JAML: variants seen among roughly 807,000 people sequenced by gnomAD.
JAML encodes junctional adhesion molecule-like.
Under a neutral mutation model 39.3 loss-of-function variants are expected in JAML, and 25 were observed. That is an observed-to-expected ratio of 0.64 (90% CI 0.46 to 0.89). The LOEUF (loss-of-function observed/expected upper bound fraction) is 0.89, where lower values mean the gene tolerates loss of function less well. Ranked by LOEUF, JAML falls within the 40% of genes least tolerant of loss-of-function variation. The pLI is 0.00. For missense variants in JAML, 440 were observed against 486.9 expected, an observed-to-expected ratio of 0.90 and a Z score of 0.91; for synonymous variants, 162 against 179.2, an observed-to-expected ratio of 0.90 and a Z score of 0.77.
intron 2 of JAML, chr11:118,213,076 C>T: frequency 6.5e-7 from 1 of 1,534,472 alleles, no homozygotes; most frequent in South Asian, 1.3e-5. Flanking sequence ...GTAATTAGGC[C>T]ACCACAGAGC....
At chr11:118,213,704 G>C (rs191311141) in intron 2 of JAML, among the ~76,000 whole-genome samples, 1 of 152,172 alleles carries the variant, frequency 6.6e-6, no homozygotes, top group Non-Finnish European at 1.5e-5. Context: ...GGGCAATCTT[G>C]GTAGAGAAAC....
At chr11:118,205,058 CA>C (rs1390130769) in intron 5 of JAML, 2 of 152,180 alleles carry the variant, frequency 1.3e-5, no homozygotes, top group Non-Finnish European at 2.9e-5. Flanking sequence ...GGCAAGCTCT[CA>C]GAGGTGAACC....
chr11:118,209,117 T>C (rs879641451), intron 4 of JAML: 4 of 324,824 alleles, frequency 1.2e-5, no homozygotes, highest in Non-Finnish European at 2.5e-5. Context: ...CTACAGTTGC[T>C]TGCAATACTT....
At chr11:118,203,796 A>G in intron 5 of JAML, 131 bp from the exon 6 acceptor site, 1 of 735,794 alleles carries the variant, frequency 1.4e-6, no homozygotes, top group Non-Finnish European at 2.4e-6. Context: ...ATTATCAGAA[A>G]GCATTAAATA....
chr11:118,212,934 G>A (rs1565483409), intron 2 of JAML: 10 of 1,614,236 alleles, frequency 6.2e-6, no homozygotes, highest in Non-Finnish European at 8.5e-6. Context: ...GAAATGGGTT[G>A]TTCCTTGCTC....
At chr11:118,206,699 C>T (rs574764471) in intron 4 of JAML, among the ~76,000 whole-genome samples, 7 of 152,276 alleles carry the variant, frequency 4.6e-5, no homozygotes, top group East Asian at 3.9e-4. Flanking sequence ...CCCACCCTCC[C>T]GACTTCCCCT....
At chr11:118,218,941 T>C (rs763494553) in intron 1 of JAML, among the ~76,000 whole-genome samples, 7 of 152,346 alleles carry the variant, frequency 4.6e-5, no homozygotes, top group Non-Finnish European at 7.3e-5. Flanking sequence ...TGTTTGGAGA[T>C]AATTCTCCAT....
At chr11:118,223,244 G>C (rs899328540) in intron 1 of JAML, among the ~76,000 whole-genome samples, 3 of 152,104 alleles carry the variant, frequency 2.0e-5, no homozygotes, top group African/African-American at 7.2e-5. Flanking sequence ...TTTTTCCATA[G>C]GTCGAACACT....
At position 118,222,379 on chromosome 11, in the gene JAML, C is replaced by T. The variant is rs1949218510; in HGVS notation, c.-21+2562G>A. On this transcript the variant is annotated intron_variant, in intron 1 of 9. Transcript: ENST00000356289. This position sits in a 1 kb window ranked among gnomAD's most constrained non-coding sequence, Gnocchi z 4.2. ...AGGCTGCAGCGAGTTGTGATCGCACCACTGCATTCCAACCTGGCGACAGAG... is the reference window on the plus strand; with the variant it reads ...AGGCTGCAGCGAGTTGTGATCGCACTACTGCATTCCAACCTGGCGACAGAG... 6.6e-6 allele frequency among the ~76,000 whole-genome samples: 1 copy of T among 152,104 alleles called. No homozygotes were observed. Among genetic ancestry groups the T allele is most frequent in the Admixed American group, 6.5e-5 (1 of 15,286 alleles).
intron 2 of JAML, chr11:118,213,224 G>C: frequency 4.7e-6 from 6 of 1,290,164 alleles, no homozygotes; most frequent in Middle Eastern, 3.0e-4. Context: ...AAGCAATTTC[G>C]AGCGGTCACT....
Position 118,203,552 on chromosome 11 carries a change from G to A in JAML, c.648C>T (p.Asp216=), listed in dbSNP as rs769203149. ...VNLVGDIFRN[D]GSIMLQGVRE... ...TCACTCCTTGAAGCATGATGGAACC[G>A]TCATTGCGGAAAATGTCCCCCACCA... The change falls in exon 6 of 10, where the codon GAC becomes GAT. Residue 216 remains aspartate, a synonymous_variant. Transcript: ENST00000356289. The A allele has an allele frequency of 7.2e-5, 117 of 1,614,158 alleles. No homozygotes were observed. Among genetic ancestry groups the A allele is most frequent in the Middle Eastern group, 1.6e-4 (1 of 6,062 alleles).
chr11:118,198,137 T>G, intron 7 of JAML, 46 bp from the exon 8 acceptor site: 1 of 1,500,048 alleles, frequency 6.7e-7, no homozygotes, highest in Non-Finnish European at 9.3e-7. Context: ...GGGCATGGTT[T>G]ATTCAAGGGT....
chr11:118,213,051 G>T, intron 2 of JAML: 1 of 1,592,536 alleles, frequency 6.3e-7, no homozygotes, highest in Non-Finnish European at 8.5e-7. Context: ...GATTCTGGCT[G>T]TAGGGCAGGT....
In JAML at chr11:118,194,104, AG is replaced by A; in HGVS notation, c.*220del. The A allele has an allele frequency of 2.0e-6, 1 of 505,062 alleles. No homozygotes were observed. The highest frequency in any genetic ancestry group is 2.2e-5 in the South Asian group (1 of 46,236). 31.3% of individuals were successfully genotyped at this position (505,062 alleles called of 1,614,324 possible). On this transcript the variant is annotated 3_prime_UTR_variant, in exon 10 of 10. Coordinates refer to ENST00000356289, the MANE Select transcript of JAML (RefSeq NM_001098526.2). ...TCCCAGGGCCAGTGTCCCACTCCAGAGGCCAAGTCCATGCTCCCCTCCCCTC... is the reference window on the plus strand; with the variant it reads ...TCCCAGGGCCAGTGTCCCACTCCAGAGCCAAGTCCATGCTCCCCTCCCCTC...
intron 7 of JAML, among the ~76,000 whole-genome samples, chr11:118,199,532 T>G (rs2134645240): frequency 6.6e-6 from 1 of 152,190 alleles, no homozygotes; most frequent in South Asian, 2.1e-4. Context: ...CGATCTGCAC[T>G]ACAAGCATAC....
chr11:118,195,197 C>G (rs937635144), intron 9 of JAML, among the ~76,000 whole-genome samples: 1 of 152,116 alleles, frequency 6.6e-6, no homozygotes, highest in South Asian at 2.1e-4. Flanking sequence ...GATGAGGCCT[C>G]GCAAGTTACT....
intron 8 of JAML, chr11:118,197,028 C>A: frequency 4.0e-6 from 2 of 494,280 alleles, no homozygotes; most frequent in East Asian, 3.6e-5. Context: ...TCTTAAGAAC[C>A]AAACTCTTTG....
Position 118,212,482 on chromosome 11 carries a change from T to A in JAML, c.123A>T (p.Gly41=), listed in dbSNP as rs1385085888. The A allele has an allele frequency of 1.9e-6, 3 of 1,614,086 alleles. No homozygotes were observed. Among genetic ancestry groups the A allele is most frequent in the Admixed American group, 1.7e-5 (1 of 60,014 alleles). ...TGTCTTCTGTGCTCTGGAAAACACA[T>A]CCCATCAGAGCTGAATCACCCACAT... is the stretch of plus-strand genomic sequence containing the variant. The part of the protein sequence containing the change: ...TVHVGDSALM[G]CVFQSTEDKC... Residue 41 remains glycine, a synonymous_variant, in exon 3 of 10, where the codon GGA becomes GGT. Coordinates refer to ENST00000356289, the MANE Select transcript of JAML (RefSeq NM_001098526.2).
rs950721045 is a variant in JAML at position 118,212,807 on chromosome 11, C to A, written c.44-246G>T. 46 of 1,612,394 alleles carry A rather than the reference C, an allele frequency of 2.9e-5. No homozygotes were observed. The Middle Eastern group carries it at 4.9e-4, about 17-fold the overall frequency. Reference sequence around the variant, plus strand: ...ATCTGGCTCCCTCCTCCTATCCAGCCCCTTACACTTTTCTGGAATTCTTCC... The same window carrying A: ...ATCTGGCTCCCTCCTCCTATCCAGCACCTTACACTTTTCTGGAATTCTTCC... On this transcript the variant is annotated intron_variant, in intron 2 of 9. Coordinates refer to ENST00000356289, the MANE Select transcript of JAML (RefSeq NM_001098526.2).
Sources: gnomAD v4.1 joint callset for allele counts (sites outside exome capture counted in the v4.1 genomes callset) on GRCh38, gnomAD v4.1.1 for gene constraint, Gnocchi (gnomAD v3.1) non-coding constraint, MANE v1.5 for transcripts, NCBI Gene and HGNC (gene_info 2026-07-23, HGNC 2026-07-21) for gene names.